CERS3: variants seen among roughly 807,000 people sequenced by gnomAD.
The protein encoded by CERS3 is ceramide synthase 3, also known as LAG1 homolog, ceramide synthase 3.
In CERS3, 33 loss-of-function variants were observed where a neutral mutation model predicts 50.3. The observed-to-expected ratio is 0.66, with a 90% CI of 0.50 to 0.88. The LOEUF (loss-of-function observed/expected upper bound fraction) is 0.88. Ranked by LOEUF, CERS3 falls within the 40% of genes least tolerant of loss-of-function variation. The pLI is 0.00. For missense variants in CERS3, 470 were observed against 460.3 expected (o/e 1.02, Z -0.19); for synonymous variants, 176 against 155.2 (o/e 1.13, Z -0.99).
chr15:100,446,328 G>A (rs959844401), intron 11 of CERS3, among the ~76,000 whole-genome samples: 3 of 149,410 alleles, frequency 2.0e-5, no homozygotes, highest in African/African-American at 7.4e-5. Flanking sequence ...AGAAAACAAG[G>A]TCATCAGTAA....
chr15:100,451,256 T>C (rs989749863), intron 11 of CERS3, among the ~76,000 whole-genome samples: 6 of 152,118 alleles, frequency 3.9e-5, no homozygotes, highest in Admixed American at 2.0e-4. Context: ...AGAAATTAAT[T>C]AATAAAATGA....
At chr15:100,486,474 C>CT (rs1171795272) in intron 4 of CERS3, among the ~76,000 whole-genome samples, 1 of 152,204 alleles carries the variant, frequency 6.6e-6, no homozygotes, top group African/African-American at 2.4e-5. Context: ...TTAGAATGTG[C>CT]TAATGAAACT....
At chr15:100,467,782 C>T (rs7173320) in intron 10 of CERS3, among the ~76,000 whole-genome samples, 45,175 of 104,594 alleles carry the variant, frequency 0.43, 8,744 homozygotes, top group Non-Finnish European at 0.49. Context: ...TATATATATA[C>T]ACACATATAT....
intron 2 of CERS3, among the ~76,000 whole-genome samples, chr15:100,506,820 T>A (rs893538432): frequency 1.3e-5 from 2 of 152,116 alleles, no homozygotes; most frequent in Admixed American, 6.5e-5. Context: ...GGGTACAGGG[T>A]TTCTTTTTAA....
chr15:100,497,583 A>G (rs1185332064), intron 3 of CERS3, among the ~76,000 whole-genome samples: 1 of 152,074 alleles, frequency 6.6e-6, no homozygotes, highest in African/African-American at 2.4e-5. Context: ...AAAGCAAAAT[A>G]GAATTAAACC....
Position 100,455,900 on chromosome 15 carries a change from A to T in CERS3, c.992T>A (p.Phe331Tyr). Residue 331 changes from phenylalanine (F) to tyrosine (Y), a missense_variant, in exon 11 of 12, where the codon TTC becomes TAC. Transcript: ENST00000679737. ...YILKMLNRCI[F>Y]MKSIQDVRSD... ...TATTTGGACAGCCCTTACCTTCATG[A>T]ATATACATCTGTTGAGCATCTTCAA... 1 of 1,607,650 alleles carries T rather than the reference A, an allele frequency of 6.2e-7. No homozygotes were observed. The highest frequency in any genetic ancestry group is 8.5e-7 in the Non-Finnish European group (1 of 1,177,132).
At chr15:100,456,882 G>C (rs191775108) in intron 10 of CERS3, among the ~76,000 whole-genome samples, 7 of 151,896 alleles carry the variant, frequency 4.6e-5, no homozygotes, top group Admixed American at 4.6e-4. Flanking sequence ...GGGAGGTGGA[G>C]GTTGCAGTGA....
At chr15:100,533,435 C>A (rs530364092), upstream of CERS3, among the ~76,000 whole-genome samples, 1 of 152,312 alleles carries the variant, frequency 6.6e-6, no homozygotes, top group Non-Finnish European at 1.5e-5. Context: ...GTCTCTTCCT[C>A]TCTACCACAG....
At chr15:100,489,908 C>T (rs983433440) in intron 4 of CERS3, among the ~76,000 whole-genome samples, 6 of 152,194 alleles carry the variant, frequency 3.9e-5, no homozygotes, top group Non-Finnish European at 7.3e-5. Context: ...CCTCAATGTG[C>T]TTTCATGTGC....
At chr15:100,531,930 G>A (rs76213058), upstream of CERS3, among the ~76,000 whole-genome samples, 116 of 152,248 alleles carry the variant, frequency 7.6e-4, no homozygotes, top group African/African-American at 2.4e-3. Context: ...AGGTGTTGTC[G>A]GGAGCAGTAG....
At chr15:100,411,498 T>C (rs991344450) in intron 11 of CERS3, among the ~76,000 whole-genome samples, 8 of 152,144 alleles carry the variant, frequency 5.3e-5, no homozygotes, top group African/African-American at 1.4e-4. Context: ...TAATATTCCA[T>C]GGTGTGCATA....
chr15:100,439,822 G>T (rs1356742547), intron 11 of CERS3, among the ~76,000 whole-genome samples: 1 of 152,156 alleles, frequency 6.6e-6, no homozygotes, highest in Non-Finnish European at 1.5e-5. Flanking sequence ...AAACTGCAAG[G>T]ATTATGGCTG....
intron 11 of CERS3, among the ~76,000 whole-genome samples, chr15:100,445,808 C>T (rs1275168795): frequency 1.3e-5 from 2 of 152,170 alleles, no homozygotes; most frequent in Admixed American, 6.5e-5. Flanking sequence ...GAATGTCAGG[C>T]CTCTGAGCCC....
intron 1 of CERS3, among the ~76,000 whole-genome samples, chr15:100,526,406 TC>T (rs2036791964): frequency 6.6e-6 from 1 of 151,730 alleles, no homozygotes; most frequent in Non-Finnish European, 1.5e-5. Context: ...AGCACCCTCC[TC>T]CCATGAGCAC....
At chr15:100,526,513 T>TGTGTGTGTGTGC (rs71151963) in intron 1 of CERS3, among the ~76,000 whole-genome samples, 1 of 151,538 alleles carries the variant, frequency 6.6e-6, no homozygotes, top group Non-Finnish European at 1.5e-5. Context: ...TGTGTGTGTG[T>TGTGTGTGTGTGC]AAAAACAACT....
At chr15:100,439,968 G>T (rs1194104220) in intron 11 of CERS3, among the ~76,000 whole-genome samples, 1 of 152,196 alleles carries the variant, frequency 6.6e-6, no homozygotes, top group African/African-American at 2.4e-5. Flanking sequence ...ACCCATTAGA[G>T]ATCAGACATA....
chr15:100,482,294 G>A (rs551102146), intron 5 of CERS3, among the ~76,000 whole-genome samples: 2 of 152,204 alleles, frequency 1.3e-5, no homozygotes, highest in Non-Finnish European at 2.9e-5. Context: ...AAACGAATTG[G>A]TTGGGTAACA....
At chr15:100,511,049 A>G (rs113531106) in intron 2 of CERS3, among the ~76,000 whole-genome samples, 229 of 152,302 alleles carry the variant, frequency 1.5e-3, no homozygotes, top group African/African-American at 5.0e-3. Context: ...GCACTTTGGG[A>G]GGCTGAGTTG....
chr15:100,437,787 C>T (rs1426728181), intron 11 of CERS3: 1 of 152,122 alleles, frequency 6.6e-6, no homozygotes, highest in Admixed American at 6.5e-5. Flanking sequence ...GGTGAAGAAA[C>T]CGAGGCAATG....
Sources: allele counts gnomAD v4.1 joint callset (sites outside exome capture counted in the v4.1 genomes callset), GRCh38; gene constraint gnomAD v4.1.1; transcripts MANE v1.5; gene names NCBI Gene and HGNC (gene_info 2026-07-23, HGNC 2026-07-21).